The following MAST4 variants were observed in gnomAD, a reference collection of about 807,000 sequenced individuals.
MAST4 encodes the protein microtubule-associated serine/threonine-protein kinase 4.
Under a neutral mutation model 162.7 loss-of-function variants are expected in MAST4, and 89 were observed. The observed-to-expected ratio is 0.55, with a 90% CI of 0.46 to 0.65. MAST4 has a LOEUF of 0.65. Ranked by LOEUF, MAST4 falls within the 30% of genes least tolerant of loss-of-function variation. The probability of loss-of-function intolerance (pLI) is 0.00; values close to 1 mark genes in which losing one functional copy is unlikely to be tolerated. For synonymous variants in MAST4, 1,479 were observed against 1,361.1 expected, an observed-to-expected ratio of 1.09 and a Z score of -1.91; for missense variants, 3,153 against 3,374.0, an observed-to-expected ratio of 0.93 and a Z score of 1.62.
chr5:67,101,742 A>G (rs1765055859), intron 8 of MAST4, among the ~76,000 whole-genome samples: 1 of 152,108 alleles, frequency 6.6e-6, no homozygotes, highest in Non-Finnish European at 1.5e-5. Flanking sequence ...ATGTTAGATT[A>G]TTCTGAGATA....
chr5:66,631,715 A>G (rs1486660421), intron 1 of MAST4, among the ~76,000 whole-genome samples: 1 of 152,212 alleles, frequency 6.6e-6, no homozygotes, highest in Non-Finnish European at 1.5e-5. Flanking sequence ...CCTCACAAGA[A>G]GAAGATTTTA....
chr5:66,623,403 G>A (rs764833462), intron 1 of MAST4, among the ~76,000 whole-genome samples: 2 of 152,140 alleles, frequency 1.3e-5, no homozygotes, highest in African/African-American at 4.8e-5. Flanking sequence ...TAAAGTACTA[G>A]CAAATATCAT....
chr5:66,726,516 G>A (rs1483059318), intron 1 of MAST4, among the ~76,000 whole-genome samples: 1 of 152,120 alleles, frequency 6.6e-6, no homozygotes, highest in Non-Finnish European at 1.5e-5. Context: ...GGGTCAGTTT[G>A]TGAAGTACCT....
At chr5:66,864,742 G>C (rs58111385) in intron 3 of MAST4, among the ~76,000 whole-genome samples, 5,587 of 151,722 alleles carry the variant, frequency 0.037, 191 homozygotes, top group East Asian at 0.12. Flanking sequence ...AATTAGGCTT[G>C]GAACAGTTCC....
Position 67,165,564 on chromosome 5 carries a change from C to T in MAST4, c.6385C>T (p.His2129Tyr). 2 of 1,613,964 alleles carry T rather than the reference C, an allele frequency of 1.2e-6. No homozygotes were observed. The highest frequency in any genetic ancestry group is 1.1e-5 in the South Asian group (1 of 91,074). The change falls in exon 29 of 29, where the codon CAT becomes TAT. Residue 2129 changes from histidine (H) to tyrosine (Y), a missense_variant. Transcript: ENST00000403625. ...AAGGAAGGAGCAGCCTCTACAAAGG[C>T]ATCCCAGCAGCATCCCTCCGCCCCC... The part of the protein sequence containing the change: ...PERKEQPLQR[H>Y]PSSIPPPPLT...
At chr5:66,696,705 A>G (rs1190561539) in intron 1 of MAST4, among the ~76,000 whole-genome samples, 1 of 152,084 alleles carries the variant, frequency 6.6e-6, no homozygotes, top group African/African-American at 2.4e-5. Flanking sequence ...AGAATCTGCA[A>G]GATTAAAATT....
chr5:66,728,026 A>G (rs138282199), intron 1 of MAST4, among the ~76,000 whole-genome samples: 41 of 152,282 alleles, frequency 2.7e-4, no homozygotes, highest in African/African-American at 9.4e-4. Context: ...TTTAAGCTCT[A>G]AAATGGGGGA....
At chr5:67,151,767 C>CTTTTTTTTTTTTTTTTTTTTT (rs1163541260) in intron 24 of MAST4, among the ~76,000 whole-genome samples, 2 of 115,668 alleles carry the variant, frequency 1.7e-5, no homozygotes, top group Non-Finnish European at 3.6e-5. Context: ...TTCTTTTTTT[C>CTTTTTTTTTTTTTTTTTTTTT]TTTTTTTTTT....
At chr5:66,598,533 G>T (rs1742348613) in intron 1 of MAST4, among the ~76,000 whole-genome samples, 1 of 152,294 alleles carries the variant, frequency 6.6e-6, no homozygotes, top group East Asian at 1.9e-4. Flanking sequence ...TAGCGGAGAT[G>T]ATCAAACCCT....
intron 4 of MAST4, among the ~76,000 whole-genome samples, chr5:67,051,424 GTTA>G (rs1299815584): frequency 6.6e-6 from 1 of 152,186 alleles, no homozygotes; most frequent in Non-Finnish European, 1.5e-5. Context: ...TTGCACCAAT[GTTA>G]TTATTAATGT....
chr5:66,660,580 C>T (rs1459837662), intron 1 of MAST4, among the ~76,000 whole-genome samples: 1 of 152,194 alleles, frequency 6.6e-6, no homozygotes, highest in Non-Finnish European at 1.5e-5. Flanking sequence ...TAAAACTTCA[C>T]TTCATGTTTG....
intron 4 of MAST4, among the ~76,000 whole-genome samples, chr5:67,005,919 T>G (rs1052640504): frequency 6.6e-6 from 1 of 152,244 alleles, no homozygotes; most frequent in Non-Finnish European, 1.5e-5. Context: ...TGAACATGCA[T>G]GAGAGCAACT....
At chr5:67,057,220 AC>A in intron 5 of MAST4, among the ~76,000 whole-genome samples, 1 of 152,032 alleles carries the variant, frequency 6.6e-6, no homozygotes, top group Non-Finnish European at 1.5e-5. Context: ...CTTTTGCCTC[AC>A]CCTTTCTGTT....
chr5:66,756,258 C>A (rs180740455), intron 1 of MAST4, among the ~76,000 whole-genome samples: 1 of 152,256 alleles, frequency 6.6e-6, no homozygotes, highest in East Asian at 1.9e-4. Flanking sequence ...TTAAGCAAAT[C>A]CAGTCACACA....
At chr5:66,677,833 G>A (rs1174369235) in intron 1 of MAST4, among the ~76,000 whole-genome samples, 1 of 152,118 alleles carries the variant, frequency 6.6e-6, no homozygotes, top group African/African-American at 2.4e-5. Context: ...GATGGATTTG[G>A]AAAGCGTGAA....
At chr5:67,100,038 A>G (rs1352611602) in intron 7 of MAST4, among the ~76,000 whole-genome samples, 5 of 152,090 alleles carry the variant, frequency 3.3e-5, no homozygotes, top group Admixed American at 1.3e-4. Flanking sequence ...TTATTTACCT[A>G]AAAGTCCGCA....
chr5:66,781,389 A>G (rs1024577014), intron 2 of MAST4, among the ~76,000 whole-genome samples: 2 of 152,234 alleles, frequency 1.3e-5, no homozygotes, highest in African/African-American at 4.8e-5. Flanking sequence ...ATATACCTGT[A>G]AAGATATAGG....
chr5:66,743,179 TTC>T (rs1752567767), intron 1 of MAST4, among the ~76,000 whole-genome samples: 1 of 152,196 alleles, frequency 6.6e-6, no homozygotes, highest in South Asian at 2.1e-4. Flanking sequence ...ATCTCCTGCT[TTC>T]TTCTTCTTCA....
intron 3 of MAST4, among the ~76,000 whole-genome samples, chr5:66,807,604 T>C (rs1232545795): frequency 2.0e-5 from 3 of 152,240 alleles, no homozygotes; most frequent in Non-Finnish European, 2.9e-5. Flanking sequence ...TTTATGTGTA[T>C]CCATTAACTG....
Sources: gnomAD v4.1 joint callset for allele counts (sites outside exome capture counted in the v4.1 genomes callset) on GRCh38, gnomAD v4.1.1 for gene constraint, MANE v1.5 for transcripts, NCBI Gene and HGNC (gene_info 2026-07-23, HGNC 2026-07-21) for gene names.